The following AK8 variants were observed in gnomAD, a reference collection of about 807,000 sequenced individuals.
AK8 encodes adenylate kinase 8, also known as ATP-AMP transphosphorylase 8.
AK8 carries 44 observed loss-of-function variants against 54.6 expected under a neutral mutation model. The observed-to-expected ratio is 0.81, with a 90% CI of 0.63 to 1.04. The LOEUF is 1.04. Among genes scored for constraint, AK8 ranks in the 50% least tolerant of loss-of-function variants. The probability of loss-of-function intolerance (pLI) is 0.00; values close to 1 mark genes in which losing one functional copy is unlikely to be tolerated. For synonymous variants in AK8, 239 were observed against 245.6 expected (o/e 0.97, Z 0.25); for missense variants, 555 against 613.6 (o/e 0.90, Z 1.01).
intron 11 of AK8, among the ~76,000 whole-genome samples, chr9:132,751,118 T>G (rs939020857): frequency 6.6e-6 from 1 of 151,898 alleles, no homozygotes; most frequent in African/African-American, 2.4e-5. Context: ...GTGCCGTGGC[T>G]CACGCCTGTA....
intron 8 of AK8, among the ~76,000 whole-genome samples, chr9:132,825,117 G>A (rs1264084477): frequency 6.6e-6 from 1 of 152,098 alleles, no homozygotes; most frequent in African/African-American, 2.4e-5. Context: ...AATACTACAG[G>A]CAAAGCAGCC....
chr9:132,747,013 C>A (rs1837682932), intron 11 of AK8, among the ~76,000 whole-genome samples: 1 of 152,192 alleles, frequency 6.6e-6, no homozygotes, highest in South Asian at 2.1e-4. Context: ...TATCATCTTG[C>A]AAAGTAAACA....
chr9:132,768,582 A>G (rs1838821043), intron 11 of AK8, among the ~76,000 whole-genome samples: 1 of 152,218 alleles, frequency 6.6e-6, no homozygotes, highest in South Asian at 2.1e-4. Flanking sequence ...TTAATTGTTT[A>G]TGCCTTTTGG....
intron 2 of AK8, 59 bp downstream of exon 2, chr9:132,875,056 G>C (rs993898117): frequency 1.9e-6 from 3 of 1,603,244 alleles, no homozygotes; most frequent in Non-Finnish European, 2.6e-6. Context: ...AGGGAAGAAG[G>C]GGAAGGAGGA....
At chr9:132,827,301 A>C in intron 7 of AK8, 2 of 570,592 alleles carry the variant, frequency 3.5e-6, no homozygotes, top group Non-Finnish European at 6.3e-6. Context: ...ACTTCTGAGC[A>C]CTTACTCTGT....
Position 132,781,866 on chromosome 9 carries a change from G to A in AK8, c.1121+10768C>T, listed in dbSNP as rs529760432. 3.8e-4 allele frequency among the ~76,000 whole-genome samples: 58 copies of A among 152,202 alleles called. No homozygotes were observed. The highest frequency in any genetic ancestry group is 7.5e-4 in the Non-Finnish European group (51 of 68,014). On this transcript the variant is annotated intron_variant, in intron 11 of 12. Transcript: ENST00000298545. This position sits in a 1 kb window ranked among gnomAD's most constrained non-coding sequence, Gnocchi z 4.6. Reference sequence around the variant, plus strand: ...CCTGTATCTGAACTTGAAGGTTTACGGCTAAGATTACTTTCTGAGTTAATC... The same window carrying A: ...CCTGTATCTGAACTTGAAGGTTTACAGCTAAGATTACTTTCTGAGTTAATC...
intron 10 of AK8, among the ~76,000 whole-genome samples, chr9:132,810,871 T>C (rs1391651193): frequency 6.6e-6 from 1 of 151,644 alleles, no homozygotes; most frequent in Non-Finnish European, 1.5e-5. Context: ...AAATATAGAA[T>C]GTAAGTATAA....
rs1840345678 is a variant in AK8 at position 132,799,590 on chromosome 9, G to C, written c.980-6815C>G. ...ACACAGACATGTGCTCATGCACTCA[G>C]CTACAAACACACACACACACACACC... On this transcript the variant is annotated intron_variant, in intron 10 of 12. Coordinates refer to ENST00000298545, the MANE Select transcript of AK8 (RefSeq NM_152572.3). This position sits in a 1 kb window ranked among gnomAD's most constrained non-coding sequence, Gnocchi z 5.0. Among the ~76,000 whole-genome samples, 1 of 150,768 alleles carries C rather than the reference G, an allele frequency of 6.6e-6. No homozygotes were observed. Among genetic ancestry groups the C allele is most frequent in the South Asian group, 2.1e-4 (1 of 4,762 alleles).
rs60483805 is a variant in AK8, at chr9:132,740,234, A to C, written c.1122-12700T>G. ...ACTTTTTATCAGGCACTGTGTTTAA[A>C]GCCAGGTGATGTAAATGTCTGGTTT... On this transcript the variant is annotated intron_variant, in intron 11 of 12. Coordinates refer to ENST00000298545, the MANE Select transcript of AK8 (RefSeq NM_152572.3). 3.4e-3 allele frequency among the ~76,000 whole-genome samples: 514 copies of C among 152,336 alleles called. 3 individuals are homozygous for C. Among genetic ancestry groups the C allele is most frequent in the African/African-American group, 0.012 (484 of 41,582 alleles).
chr9:132,739,812 G>T (rs1837284718), intron 11 of AK8, among the ~76,000 whole-genome samples: 1 of 152,234 alleles, frequency 6.6e-6, no homozygotes, highest in Non-Finnish European at 1.5e-5. Context: ...TGTACCAACA[G>T]CAACAGCCCT....
intron 11 of AK8, among the ~76,000 whole-genome samples, chr9:132,750,121 A>G (rs1159817211): frequency 1.3e-5 from 2 of 151,620 alleles, no homozygotes; most frequent in Non-Finnish European, 2.9e-5. Context: ...CCCCTGAACC[A>G]GCCTCTCTTC....
intron 1 of AK8, among the ~76,000 whole-genome samples, chr9:132,876,622 G>A (rs933193401): frequency 2.0e-5 from 3 of 152,212 alleles, no homozygotes; most frequent in African/African-American, 7.2e-5. Context: ...TTTTGACAAT[G>A]TGCTACAGTT....
chr9:132,804,104 CAAA>C (rs200556575), intron 10 of AK8, among the ~76,000 whole-genome samples: 3 of 93,268 alleles, frequency 3.2e-5, no homozygotes, highest in Non-Finnish European at 4.6e-5. Context: ...GACTCCATCT[CAAA>C]AAAAAAAAAA....
intron 11 of AK8, among the ~76,000 whole-genome samples, chr9:132,755,258 G>A (rs1347888129): frequency 6.6e-6 from 1 of 152,102 alleles, no homozygotes; most frequent in African/African-American, 2.4e-5. Flanking sequence ...CTGTGTCCTG[G>A]CACCCCCTCA....
At chr9:132,736,986 G>A (rs1184184819) in intron 11 of AK8, among the ~76,000 whole-genome samples, 2 of 152,014 alleles carry the variant, frequency 1.3e-5, no homozygotes, top group African/African-American at 4.8e-5. Flanking sequence ...AGGGGAAATT[G>A]GGAATTAGTG....
intron 9 of AK8, among the ~76,000 whole-genome samples, 173 bp from the exon 10 acceptor site, chr9:132,814,900 A>C (rs1052592322): frequency 6.6e-6 from 1 of 152,256 alleles, no homozygotes; most frequent in Non-Finnish European, 1.5e-5. Flanking sequence ...AATATCAAAA[A>C]GGAGCCGGGA....
Position 132,844,263 on chromosome 9 carries a change from C to CA in AK8, c.402+10593dup, listed in dbSNP as rs552782785. Among the ~76,000 whole-genome samples the CA allele has an allele frequency of 8.0e-3, 386 of 48,512 alleles. 1 individual carries two copies. The highest frequency in any genetic ancestry group is 0.011 in the Non-Finnish European group (276 of 26,218). 31.8% of individuals were successfully genotyped at this position (48,512 alleles called of 152,430 possible). On this transcript the variant is annotated intron_variant, in intron 5 of 12. Coordinates refer to ENST00000298545, the MANE Select transcript of AK8 (RefSeq NM_152572.3). ...TCTCTAATGCATTTGATGGTCACTT[C>CA]AAAAAAAAATTCTTCAAAGAGACTG...
chr9:132,823,390 C>G (rs889782133), intron 8 of AK8, 54 bp from the exon 9 acceptor site: 19 of 1,607,628 alleles, frequency 1.2e-5, no homozygotes, highest in Non-Finnish European at 1.6e-5. Context: ...AACAGGAAAC[C>G]CGCTTGCAGC....
chr9:132,796,254 C>T (rs549955660), intron 10 of AK8, among the ~76,000 whole-genome samples: 5 of 152,284 alleles, frequency 3.3e-5, no homozygotes, highest in African/African-American at 1.2e-4. Flanking sequence ...TGGCCACTTA[C>T]GAACCAATAC....
Sources: gnomAD v4.1 joint callset for allele counts (sites outside exome capture counted in the v4.1 genomes callset) on GRCh38, gnomAD v4.1.1 for gene constraint, Gnocchi (gnomAD v3.1) non-coding constraint, MANE v1.5 for transcripts, NCBI Gene and HGNC (gene_info 2026-07-23, HGNC 2026-07-21) for gene names.